The following LUC7L2 variants were observed in gnomAD, a reference collection of about 807,000 sequenced individuals.
LUC7L2 encodes the protein putative RNA-binding protein Luc7-like 2.
A neutral mutation model predicts 52.8 loss-of-function variants in LUC7L2; 25 were observed. The observed-to-expected ratio is 0.47, with a 90% CI of 0.34 to 0.66. The LOEUF (loss-of-function observed/expected upper bound fraction) is 0.66. LUC7L2 is among the 30% of genes least tolerant of loss of function. The pLI, the probability that LUC7L2 is intolerant of heterozygous loss-of-function variation, is 0.01. For synonymous variants in LUC7L2, 144 were observed against 160.9 expected (o/e 0.89, Z 0.80); for missense variants, 328 against 497.8 (o/e 0.66, Z 3.25).
intron 8 of LUC7L2, among the ~76,000 whole-genome samples, chr7:139,415,013 A>G (rs892688228): frequency 2.7e-5 from 4 of 145,720 alleles, no homozygotes; most frequent in African/African-American, 9.9e-5. Context: ...TAGGCTCCCT[A>G]GTAGCTAGGA....
At chr7:139,401,754 CTT>C (rs58559406) in intron 3 of LUC7L2, among the ~76,000 whole-genome samples, 144 of 135,794 alleles carry the variant, frequency 1.1e-3, no homozygotes, top group Middle Eastern at 3.9e-3. Flanking sequence ...CGCCCAGCTT[CTT>C]TTTTTTTTTT....
intron 1 of LUC7L2, among the ~76,000 whole-genome samples, chr7:139,351,948 A>G (rs1481572807): frequency 6.6e-6 from 1 of 152,202 alleles, no homozygotes; most frequent in African/African-American, 2.4e-5. Context: ...TAATCCCAGC[A>G]CAGTGGGAGG....
intron 1 of LUC7L2, among the ~76,000 whole-genome samples, chr7:139,362,865 C>A (rs1010107144): frequency 6.6e-6 from 1 of 151,842 alleles, no homozygotes; most frequent in African/African-American, 2.4e-5. Flanking sequence ...AGATTTAAGT[C>A]TGTTAGTTAA....
intron 1 of LUC7L2, among the ~76,000 whole-genome samples, chr7:139,368,879 G>A (rs868393416): frequency 6.6e-6 from 1 of 152,172 alleles, no homozygotes; most frequent in Non-Finnish European, 1.5e-5. Context: ...TATTTCTGCT[G>A]TGTTGTTTAG....
intron 2 of LUC7L2, among the ~76,000 whole-genome samples, chr7:139,382,782 G>A (rs1005300207): frequency 6.6e-6 from 1 of 152,274 alleles, no homozygotes; most frequent in Admixed American, 6.5e-5. Flanking sequence ...ATTTTATGTT[G>A]CCCCAGTAGG....
At chr7:139,361,361 G>A (rs1178647258) in intron 1 of LUC7L2, among the ~76,000 whole-genome samples, 2 of 152,168 alleles carry the variant, frequency 1.3e-5, no homozygotes, top group African/African-American at 4.8e-5. Flanking sequence ...AGTTATTTAA[G>A]TGTATTGATT....
At chr7:139,381,767 G>A (rs939864018) in intron 2 of LUC7L2, among the ~76,000 whole-genome samples, 1 of 151,840 alleles carries the variant, frequency 6.6e-6, no homozygotes, top group Admixed American at 6.6e-5. Context: ...GTAGAGACGG[G>A]GTTTTGCCTT....
intron 3 of LUC7L2, among the ~76,000 whole-genome samples, chr7:139,399,869 GT>G (rs1398084656): frequency 1.2e-4 from 18 of 151,736 alleles, no homozygotes; most frequent in Non-Finnish European, 2.1e-4. Flanking sequence ...TTATATTGCT[GT>G]TTTTATATGA....
chr7:139,360,157 A>C lies in LUC7L2; in HGVS notation c.-105A>C. ...CGCACGCCTCGAGGCGGCGGCGGCC[A>C]CCGAGACAGCAGCGCACCTTCCCCC... On this transcript the variant is annotated 5_prime_UTR_variant, in exon 1 of 10. Coordinates refer to ENST00000354926, the MANE Select transcript of LUC7L2 (RefSeq NM_016019.5). 2 of 810,870 alleles carry C rather than the reference A, an allele frequency of 2.5e-6. No homozygotes were observed. Among genetic ancestry groups the C allele is most frequent in the Non-Finnish European group, 3.8e-6 (2 of 532,100 alleles). The allele number at this position is 810,870 out of a possible 1,614,324, so 50.2% of individuals were successfully genotyped here. A position where few individuals can be genotyped will look rare whatever the true frequency, so the allele number is the denominator to read the frequency against.
At position 139,360,415 on chromosome 7, in the gene LUC7L2, CTGAG is replaced by C. The variant is rs1055348493; in HGVS notation, c.61+95_61+98del. On this transcript the variant is annotated intron_variant, in intron 1 of 9. Transcript: ENST00000354926. ...GGCGCACCTGGGCGCGCGCGTGTGG[CTGAG>C]TAAGGGGCTCCCAGATTGGTAACAC... 86 of 1,210,446 alleles carry C rather than the reference CTGAG, an allele frequency of 7.1e-5. No homozygotes were observed. The African/African-American group carries it at 1.1e-3, about 15-fold the overall frequency. The allele number at this position is 1,210,446 out of a possible 1,614,324, so 75.0% of individuals were successfully genotyped here. A position where few individuals can be genotyped will look rare whatever the true frequency, so the allele number is the denominator to read the frequency against.
Position 139,405,778 on chromosome 7 carries a change from A to G in LUC7L2, c.501A>G (p.Arg167=). ...TAGAGAAAGCACGGGCAAAGAAAAG[A>G]GAAGCAGAGGTAAATTCTTAATAGT... ...DEVEKARAKK[R]EAEEVYRNSM... The change falls in exon 5 of 10, where the codon AGA becomes AGG. Residue 167 remains arginine (R), a synonymous_variant. Transcript: ENST00000354926. 1 of 1,603,472 alleles carries G rather than the reference A, an allele frequency of 6.2e-7. No individual in the cohort carries two copies. The highest frequency in any genetic ancestry group is 8.5e-7 in the Non-Finnish European group (1 of 1,177,422).
chr7:139,350,839 G>C (rs977634453), intron 1 of LUC7L2, among the ~76,000 whole-genome samples: 13 of 151,908 alleles, frequency 8.6e-5, no homozygotes, highest in African/African-American at 3.1e-4. Context: ...ACAACGCCTG[G>C]CTAATTTTGT....
At chr7:139,342,266 AGAC>A (rs1799020171) in intron 1 of LUC7L2, among the ~76,000 whole-genome samples, 2 of 152,198 alleles carry the variant, frequency 1.3e-5, no homozygotes, top group East Asian at 3.8e-4. Context: ...CTCAAGGTGT[AGAC>A]AACAGGGGCT....
In LUC7L2 at chr7:139,353,703, GAATC is replaced by G. The variant is rs200297954; in HGVS notation, c.-26+13188_-26+13191del. On this transcript the variant is annotated intron_variant, in intron 1 of 10. Transcript: ENST00000541170. ...AGCTACTCAGAAGGCCGAGGCAGGA[GAATC>G]ACTTGAATCCGGGAGGTGGAGGTTG... Among the ~76,000 whole-genome samples the G allele has an allele frequency of 2.0e-3, 309 of 152,166 alleles. 1 individual carries two copies. Among genetic ancestry groups the G allele is most frequent in the East Asian group, 0.01 (53 of 5,176 alleles).
chr7:139,350,068 A>C (rs1799401295), intron 1 of LUC7L2, among the ~76,000 whole-genome samples: 1 of 151,912 alleles, frequency 6.6e-6, no homozygotes, highest in South Asian at 2.1e-4. Flanking sequence ...GCTATACAGT[A>C]TGCAGTCTTT....
chr7:139,345,631 C>T (rs148777611), intron 1 of LUC7L2: 144 of 1,613,982 alleles, frequency 8.9e-5, no homozygotes, highest in East Asian at 5.3e-4. Flanking sequence ...GGTGAGCGCT[C>T]GGTGGAGGAG....
At chr7:139,394,917 T>C (rs998290182) in intron 2 of LUC7L2, among the ~76,000 whole-genome samples, 1 of 152,188 alleles carries the variant, frequency 6.6e-6, no homozygotes, top group African/African-American at 2.4e-5. Context: ...GTTCTCAACA[T>C]TGCACATTAA....
intron 1 of LUC7L2, among the ~76,000 whole-genome samples, chr7:139,362,261 GT>G (rs900065174): frequency 7.9e-5 from 12 of 151,886 alleles, no homozygotes; most frequent in African/African-American, 2.4e-4. Context: ...ATTGAGTGGA[GT>G]TTTTTTTAGA....
chr7:139,403,632 G>A (rs1795006556), intron 4 of LUC7L2, among the ~76,000 whole-genome samples: 1 of 152,116 alleles, frequency 6.6e-6, no homozygotes, highest in Non-Finnish European at 1.5e-5. Context: ...GAGTTGTATT[G>A]GTTGTATTGG....
Sources: gnomAD v4.1 joint callset for allele counts (sites outside exome capture counted in the v4.1 genomes callset) on GRCh38, gnomAD v4.1.1 for gene constraint, MANE v1.5 for transcripts, NCBI Gene and HGNC (gene_info 2026-07-23, HGNC 2026-07-21) for gene names.